NIBAN2: variants seen among roughly 807,000 people sequenced by gnomAD.
NIBAN2 encodes niban apoptosis regulator 2, also known as protein Niban 2.
A neutral mutation model predicts 81.8 loss-of-function variants in NIBAN2; 36 were observed. The observed-to-expected ratio is 0.44, with a 90% confidence interval of 0.34 to 0.58. The LOEUF (loss-of-function observed/expected upper bound fraction) is 0.58, where lower values mean the gene tolerates loss of function less well. Among genes scored for constraint, NIBAN2 ranks in the 20% least tolerant of loss-of-function variants. The pLI is 0.02. For missense variants in NIBAN2, 897 were observed against 1,014.1 expected (o/e 0.88, Z 1.57); for synonymous variants, 445 against 441.6 (o/e 1.01, Z -0.10).
intron 1 of NIBAN2, among the ~76,000 whole-genome samples, chr9:127,551,543 AT>A (rs1345853302): frequency 3.4e-5 from 5 of 149,116 alleles, no homozygotes; most frequent in African/African-American, 1.2e-4. Flanking sequence ...AAATAAAAAT[AT>A]AAATAAATAA....
intron 1 of NIBAN2, among the ~76,000 whole-genome samples, chr9:127,551,480 G>A (rs748437349): frequency 2.6e-5 from 4 of 152,026 alleles, no homozygotes; most frequent in African/African-American, 4.8e-5. Context: ...TAGAGATTGC[G>A]CCACTGCACT....
chr9:127,505,383 T>A lies in NIBAN2; in HGVS notation c.*1462A>T, dbSNP rs1132847. 6.6e-6 allele frequency: 1 copy of A among 152,554 alleles called. No individual in the cohort carries two copies. Among genetic ancestry groups the A allele is most frequent in the South Asian group, 2.1e-4 (1 of 4,822 alleles). 9.5% of individuals were successfully genotyped at this position (152,554 alleles called of 1,614,324 possible). A position where few individuals can be genotyped will look rare whatever the true frequency, so the allele number is the denominator to read the frequency against. On this transcript the variant is annotated 3_prime_UTR_variant, in exon 14 of 14. Coordinates refer to ENST00000373312, the MANE Select transcript of NIBAN2 (RefSeq NM_022833.4). ...TATTGATTAGTAGAAGCATGAACAG[T>A]GTGCATAATATTTTCAATACAATAT...
intron 8 of NIBAN2, among the ~76,000 whole-genome samples, chr9:127,510,579 G>A (rs1261596264): frequency 6.6e-6 from 1 of 152,166 alleles, no homozygotes; most frequent in Non-Finnish European, 1.5e-5. Flanking sequence ...TGGGACTACA[G>A]GCGCGTGCCA....
At chr9:127,518,506 C>T (rs753094621) in intron 5 of NIBAN2, among the ~76,000 whole-genome samples, 6 of 152,238 alleles carry the variant, frequency 3.9e-5, no homozygotes, top group Non-Finnish European at 7.3e-5. Flanking sequence ...CTCGCCTCTA[C>T]AGTCACAGCA....
At chr9:127,565,759 G>A (rs1158601863) in intron 1 of NIBAN2, among the ~76,000 whole-genome samples, 1 of 146,934 alleles carries the variant, frequency 6.8e-6, no homozygotes, top group Non-Finnish European at 1.5e-5. Context: ...CTCCAGCCTG[G>A]GACAGAGAGT....
In NIBAN2 at chr9:127,506,585, A is replaced by G; in HGVS notation, c.*260T>C. 1 of 394,620 alleles carries G rather than the reference A, an allele frequency of 2.5e-6. No homozygotes were observed. The highest frequency in any genetic ancestry group is 4.5e-6 in the Non-Finnish European group (1 of 221,916). 24.4% of individuals were successfully genotyped at this position (394,620 alleles called of 1,614,324 possible). On this transcript the variant is annotated 3_prime_UTR_variant, in exon 14 of 14. Transcript: ENST00000373312. ...GCTTTCCAGCCCCCCAGCAGTGTCC[A>G]GCCCTTGGCACAAGCAGGAAAACCC...
rs1262758040 is a variant in NIBAN2, at chr9:127,507,729, G to A, written c.1654+138C>T. The A allele has an allele frequency of 6.3e-6, 5 of 793,834 alleles. No individual in the cohort carries two copies. The highest frequency in any genetic ancestry group is 1.1e-5 in the Non-Finnish European group (5 of 470,832). 49.2% of individuals were successfully genotyped at this position (793,834 alleles called of 1,614,324 possible). ...GCTGCTCCGGAGGCCACACAGCGAA[G>A]AGTGGGCTTCACCCAGACCCCAGGT... On this transcript the variant is annotated intron_variant, in intron 13 of 13. Transcript: ENST00000373312. This position sits in a 1 kb window ranked among gnomAD's most constrained non-coding sequence, Gnocchi z 6.8.
rs746578898 is a variant in NIBAN2, at chr9:127,507,855, G to T, written c.1654+12C>A. The T allele has an allele frequency of 4.3e-6, 7 of 1,612,794 alleles. No homozygotes were observed. The East Asian group carries it at 8.9e-5, about 21-fold the overall frequency. ...CTCCTGGCAACAGTCCCCACCCCGG[G>T]ACGGCACCCACCCTGCAGGATGTCC... is the stretch of plus-strand genomic sequence containing the variant. On this transcript the variant is annotated intron_variant, in intron 13 of 13. Coordinates refer to ENST00000373312, the MANE Select transcript of NIBAN2 (RefSeq NM_022833.4). This position sits in a 1 kb window ranked among gnomAD's most constrained non-coding sequence, Gnocchi z 6.8.
rs1207378617 is a variant in NIBAN2, at chr9:127,517,391, C to T, written c.706-175G>A. ...AGCTCCATTCCCACAGGTCCCAACT[C>T]ATCTGCCTGGGTGTCCTGTAGGATC... On this transcript the variant is annotated intron_variant, in intron 6 of 13. Transcript: ENST00000373312. The surrounding 1 kb of genome is among the most constrained non-coding windows in gnomAD (Gnocchi z 4.0). 6.6e-6 allele frequency among the ~76,000 whole-genome samples: 1 copy of T among 152,210 alleles called. No homozygotes were observed. The highest frequency in any genetic ancestry group is 1.5e-5 in the Non-Finnish European group (1 of 68,030).
intron 1 of NIBAN2, among the ~76,000 whole-genome samples, chr9:127,549,133 C>T (rs2132218555): frequency 6.6e-6 from 1 of 152,286 alleles, no homozygotes; most frequent in South Asian, 2.1e-4. Context: ...TAAGAACTAA[C>T]AGCTAATAAG....
chr9:127,531,997 C>T (rs1175105127), intron 1 of NIBAN2, among the ~76,000 whole-genome samples: 3 of 152,220 alleles, frequency 2.0e-5, no homozygotes, highest in South Asian at 4.1e-4. Flanking sequence ...GATGGGAAAG[C>T]GGGTAATGGC....
chr9:127,508,053 C>G lies in NIBAN2; in HGVS notation c.1542+40G>C, dbSNP rs374249421. On this transcript the variant is annotated intron_variant, in intron 12 of 13. Coordinates refer to ENST00000373312, the MANE Select transcript of NIBAN2 (RefSeq NM_022833.4). This position sits in a 1 kb window ranked among gnomAD's most constrained non-coding sequence, Gnocchi z 6.4. The stretch of plus-strand genomic sequence containing the variant: ...GAGGCCTGTGGGCTCCATCCCCCAA[C>G]TTAGGGCCCAAACGGCTGGAGCAGG... 2 of 1,611,714 alleles carry G rather than the reference C, an allele frequency of 1.2e-6. No individual in the cohort carries two copies. The highest frequency in any genetic ancestry group is 1.7e-6 in the Non-Finnish European group (2 of 1,177,936).
rs184759008 is a variant in NIBAN2 at position 127,513,003 on chromosome 9, C to T, written c.974-2670G>A. 5.9e-5 allele frequency among the ~76,000 whole-genome samples: 9 copies of T among 152,124 alleles called. No homozygotes were observed. The East Asian group carries it at 7.7e-4, about 13-fold the overall frequency. On this transcript the variant is annotated intron_variant, in intron 8 of 13. Transcript: ENST00000373312. ...AACAGACGAATGGATAAAGAAAATG[C>T]GGTACATATACACGATGGGGTACTA...
rs1010748750 is a variant in NIBAN2 at position 127,563,912 on chromosome 9, G to A, written c.55+4908C>T. ...TCTTCTCATATCTGGTTGTCAAAAG[G>A]ATGAAAATGCTCAATGCTAAGGTCC... On this transcript the variant is annotated intron_variant, in intron 1 of 13. Coordinates refer to ENST00000373312, the MANE Select transcript of NIBAN2 (RefSeq NM_022833.4). This position sits in a 1 kb window ranked among gnomAD's most constrained non-coding sequence, Gnocchi z 4.1. 6.6e-6 allele frequency among the ~76,000 whole-genome samples: 1 copy of A among 152,128 alleles called. No individual in the cohort carries two copies. Among genetic ancestry groups the A allele is most frequent in the Non-Finnish European group, 1.5e-5 (1 of 68,030 alleles).
intron 2 of NIBAN2, among the ~76,000 whole-genome samples, chr9:127,529,854 A>G (rs1328624796): frequency 1.3e-5 from 2 of 152,182 alleles, no homozygotes; most frequent in African/African-American, 4.8e-5. Flanking sequence ...TGAGTGGCCA[A>G]AATGAGACCA....
intron 1 of NIBAN2, among the ~76,000 whole-genome samples, chr9:127,565,591 G>A (rs964881125): frequency 2.0e-5 from 3 of 151,572 alleles, no homozygotes; most frequent in African/African-American, 2.4e-5. Flanking sequence ...TCAGGAGTTC[G>A]AGACCAGCCT....
At position 127,552,421 on chromosome 9, in the gene NIBAN2, T is replaced by A. The variant is rs539097571; in HGVS notation, c.55+16399A>T. On this transcript the variant is annotated intron_variant, in intron 1 of 13. Coordinates refer to ENST00000373312, the MANE Select transcript of NIBAN2 (RefSeq NM_022833.4). ...GAATCCATCTCTACGAAAATTTTTT[T>A]AAAAAATTAGCCAGGCATGGTGGCA... 7.9e-5 allele frequency among the ~76,000 whole-genome samples: 12 copies of A among 151,994 alleles called. No homozygotes were observed. The South Asian group carries it at 2.3e-3, about 29-fold the overall frequency.
At chr9:127,566,938 C>G (rs1336526949) in intron 1 of NIBAN2, among the ~76,000 whole-genome samples, 2 of 148,100 alleles carry the variant, frequency 1.4e-5, no homozygotes, top group Non-Finnish European at 3.0e-5. Context: ...TGAGTCTGGA[C>G]CAGGAATTCG....
upstream of NIBAN2, among the ~76,000 whole-genome samples, chr9:127,572,008 A>T (rs1837955734): frequency 6.6e-6 from 1 of 152,190 alleles, no homozygotes; most frequent in Non-Finnish European, 1.5e-5. Flanking sequence ...GCATTTTATT[A>T]TATCAAAATT....
Sources: gnomAD v4.1 joint callset for allele counts (sites outside exome capture counted in the v4.1 genomes callset) on GRCh38, gnomAD v4.1.1 for gene constraint, Gnocchi (gnomAD v3.1) non-coding constraint, MANE v1.5 for transcripts, NCBI Gene and HGNC (gene_info 2026-07-23, HGNC 2026-07-21) for gene names.